Variants in SPOP observed in about 807,000 individuals in gnomAD.
The protein encoded by SPOP is speckle type BTB/POZ protein.
Under a neutral mutation model 45.6 loss-of-function variants are expected in SPOP, and 11 were observed. That is an observed-to-expected ratio of 0.24 (90% CI 0.15 to 0.40). The LOEUF (loss-of-function observed/expected upper bound fraction) is 0.40, where lower values mean the gene tolerates loss of function less well. Ranked by LOEUF, SPOP falls within the 10% of genes least tolerant of loss-of-function variation. The probability of loss-of-function intolerance (pLI) is 1.00; values close to 1 mark genes in which losing one functional copy is unlikely to be tolerated. For missense variants in SPOP, 152 were observed against 465.6 expected, an observed-to-expected ratio of 0.33 and a Z score of 6.20; for synonymous variants, 166 against 166.3, an observed-to-expected ratio of 1.00 and a Z score of 0.01.
intron 1 of SPOP, among the ~76,000 whole-genome samples, chr17:49,641,673 T>C (rs933127802): frequency 1.3e-5 from 2 of 152,120 alleles, no homozygotes; most frequent in South Asian, 2.1e-4. Context: ...TTAATATTAA[T>C]GAGTCAGAGT....
intron 1 of SPOP, among the ~76,000 whole-genome samples, chr17:49,660,439 G>A (rs760383543): frequency 6.6e-6 from 1 of 151,866 alleles, no homozygotes; most frequent in Non-Finnish European, 1.5e-5. Context: ...TCCCTTTTTC[G>A]GGTCGTATTT....
chr17:49,668,945 T>C (rs1455144043), intron 1 of SPOP, among the ~76,000 whole-genome samples: 4 of 145,680 alleles, frequency 2.7e-5, no homozygotes, highest in Admixed American at 6.9e-5. Flanking sequence ...CCCAGCTAAT[T>C]TTTTGTATTT....
At chr17:49,642,025 CAA>C (rs991304404) in intron 1 of SPOP, among the ~76,000 whole-genome samples, 3 of 134,202 alleles carry the variant, frequency 2.2e-5, no homozygotes, top group Non-Finnish European at 3.2e-5. Context: ...GACTCCGCCT[CAA>C]AAAAAAAAAA....
At chr17:49,629,977 T>C (rs2072418951) in intron 1 of SPOP, among the ~76,000 whole-genome samples, 1 of 152,210 alleles carries the variant, frequency 6.6e-6, no homozygotes, top group Non-Finnish European at 1.5e-5. Flanking sequence ...TGGTTCAACA[T>C]AATACACAGC....
At chr17:49,640,556 T>G (rs759561716) in intron 1 of SPOP, among the ~76,000 whole-genome samples, 3 of 152,138 alleles carry the variant, frequency 2.0e-5, no homozygotes, top group Admixed American at 1.3e-4. Context: ...CCAGGAACCA[T>G]GAGTTAATCC....
At chr17:49,639,751 A>G (rs1208129714) in intron 1 of SPOP, among the ~76,000 whole-genome samples, 1 of 152,166 alleles carries the variant, frequency 6.6e-6, no homozygotes. Flanking sequence ...AAATAAGGAT[A>G]TGATTATCAC....
At chr17:49,627,460 C>A (rs2072357494) in intron 1 of SPOP, among the ~76,000 whole-genome samples, 1 of 152,146 alleles carries the variant, frequency 6.6e-6, no homozygotes, top group African/African-American at 2.4e-5. Flanking sequence ...AAAATTCCTA[C>A]TTTGGGACAG....
intron 1 of SPOP, among the ~76,000 whole-genome samples, chr17:49,639,942 G>A (rs1268070510): frequency 6.6e-6 from 1 of 151,970 alleles, no homozygotes; most frequent in Non-Finnish European, 1.5e-5. Context: ...GTATTTTTCT[G>A]TTATATTTCA....
chr17:49,620,607 T>A (rs1305400046), intron 3 of SPOP: 1 of 154,000 alleles, frequency 6.5e-6, no homozygotes, highest in Non-Finnish European at 1.5e-5. Flanking sequence ...CAGACAAAAG[T>A]AAATTATCAT....
intron 6 of SPOP, among the ~76,000 whole-genome samples, chr17:49,609,772 G>C (rs2071929077): frequency 6.6e-6 from 1 of 152,072 alleles, no homozygotes; most frequent in Non-Finnish European, 1.5e-5. Flanking sequence ...GGAAAAGAGA[G>C]AGAGAATAAC....
At chr17:49,677,414 G>T (rs1217239082) in intron 1 of SPOP, among the ~76,000 whole-genome samples, 1 of 152,210 alleles carries the variant, frequency 6.6e-6, no homozygotes, top group Non-Finnish European at 1.5e-5. Context: ...TGCTTTGTCC[G>T]TTAAGTCTTT....
Position 49,611,371 on chromosome 17 carries a change from C to T in SPOP, c.567G>A (p.Glu189=), listed in dbSNP as rs2143193738. 6.2e-7 allele frequency: 1 copy of T among 1,614,196 alleles called. No homozygotes were observed. Among genetic ancestry groups the T allele is most frequent in the South Asian group, 1.1e-5 (1 of 91,080 alleles). ...GGGAATTCTCCCACAGTCCTCCTAA[C>T]TCATCTGCCAGCCGGCACTCAGGAA... ...VKVPECRLAD[E]LGGLWENSRF... is the part of the protein sequence containing the mutation. The change falls in exon 6 of 10, where the codon GAG becomes GAA. Residue 189 remains glutamate, a synonymous_variant. Coordinates refer to ENST00000504102, the MANE Select transcript of SPOP (RefSeq NM_001007228.2).
chr17:49,641,990 C>T (rs2072662042), intron 1 of SPOP, among the ~76,000 whole-genome samples: 1 of 151,840 alleles, frequency 6.6e-6, no homozygotes. Flanking sequence ...GACGCCACTG[C>T]ACTCCAGCCT....
intron 1 of SPOP, among the ~76,000 whole-genome samples, chr17:49,659,064 T>G (rs988793555): frequency 2.0e-5 from 3 of 152,174 alleles, no homozygotes; most frequent in African/African-American, 7.2e-5. Context: ...AAGGGCAGTA[T>G]AGCTTGAACA....
At chr17:49,674,279 C>T (rs1260092640) in intron 1 of SPOP, among the ~76,000 whole-genome samples, 1 of 152,154 alleles carries the variant, frequency 6.6e-6, no homozygotes, top group Non-Finnish European at 1.5e-5. Context: ...AGTAGAATTG[C>T]TATTAGTTCT....
At chr17:49,606,456 C>T (rs1395175140) in intron 8 of SPOP, among the ~76,000 whole-genome samples, 3 of 151,038 alleles carry the variant, frequency 2.0e-5, no homozygotes, top group African/African-American at 7.3e-5. Context: ...GCACACCCAG[C>T]ACCACTGTGC....
At chr17:49,648,524 C>A (rs886515046) in intron 1 of SPOP, among the ~76,000 whole-genome samples, 1 of 152,118 alleles carries the variant, frequency 6.6e-6, no homozygotes, top group Non-Finnish European at 1.5e-5. Flanking sequence ...CTGACCATAG[C>A]CAAAAGTAGT....
In SPOP at chr17:49,607,383, A is replaced by G; in HGVS notation, c.715-11T>C. 1 of 1,610,538 alleles carries G rather than the reference A, an allele frequency of 6.2e-7. No individual in the cohort carries two copies. On this transcript the variant is annotated splice_polypyrimidine_tract_variant and intron_variant, in intron 7 of 9. Transcript: ENST00000504102. ...GATTTCAACTCGATTCTATGCCAGA[A>G]AAACTGAATATGAGAAACATTCCAA...
intron 1 of SPOP, among the ~76,000 whole-genome samples, chr17:49,629,059 T>C (rs1171673834): frequency 6.6e-6 from 1 of 151,356 alleles, no homozygotes; most frequent in African/African-American, 2.4e-5. Flanking sequence ...CTGACCAACA[T>C]AGCGAAACCC....
Sources: allele counts gnomAD v4.1 joint callset (sites outside exome capture counted in the v4.1 genomes callset), GRCh38; gene constraint gnomAD v4.1.1; transcripts MANE v1.5; gene names NCBI Gene and HGNC (gene_info 2026-07-23, HGNC 2026-07-21).